TUSC3: variants seen among roughly 807,000 people sequenced by gnomAD.
TUSC3 encodes the protein dolichyl-diphosphooligosaccharide--protein glycosyltransferase subunit TUSC3.
Under a neutral mutation model 44.8 loss-of-function variants are expected in TUSC3, and 45 were observed. That is an observed-to-expected ratio of 1.00 (90% confidence interval 0.79 to 1.29). The LOEUF (loss-of-function observed/expected upper bound fraction) is 1.29. Ranked by LOEUF, TUSC3 falls within the 50% of genes most tolerant of loss-of-function variation. The pLI, the probability that TUSC3 is intolerant of heterozygous loss-of-function variation, is 0.00. For missense variants in TUSC3, 519 were observed against 437.9 expected, an observed-to-expected ratio of 1.19 and a Z score of -1.65; for synonymous variants, 212 against 152.9, an observed-to-expected ratio of 1.39 and a Z score of -2.85.
At chr8:15,479,668 C>T (rs1308655050) in intron 1 of TUSC3, among the ~76,000 whole-genome samples, 1 of 152,092 alleles carries the variant, frequency 6.6e-6, no homozygotes, top group African/African-American at 2.4e-5. Flanking sequence ...CAGTACCATG[C>T]TGTTTTGGTT....
At chr8:15,699,075 T>C (rs1260911105) in intron 6 of TUSC3, among the ~76,000 whole-genome samples, 2 of 152,152 alleles carry the variant, frequency 1.3e-5, no homozygotes, top group African/African-American at 2.4e-5. Context: ...CTTGGACTCC[T>C]AGCCTCAAGT....
rs370828450 is a variant in TUSC3 at position 15,550,864 on chromosome 8, G to C, written c.138+10296G>C. ...TTTTTGTATTTTTAGTAGAGACGGGGTTTCATCATGTTCGCCATGCTGGCC... is the reference window on the plus strand; with the variant it reads ...TTTTTGTATTTTTAGTAGAGACGGGCTTTCATCATGTTCGCCATGCTGGCC... On this transcript the variant is annotated intron_variant, in intron 1 of 10. Transcript: ENST00000503731. Among the ~76,000 whole-genome samples the C allele has an allele frequency of 4.0e-5, 6 of 151,662 alleles. 1 individual carries two copies. The highest frequency in any genetic ancestry group is 1.4e-4 in the African/African-American group (6 of 41,470).
At chr8:15,717,438 A>G (rs995813224) in intron 6 of TUSC3, among the ~76,000 whole-genome samples, 1 of 152,102 alleles carries the variant, frequency 6.6e-6, no homozygotes, top group Admixed American at 6.6e-5. Flanking sequence ...AAATGTAAAG[A>G]AAATTGTACA....
At chr8:15,710,794 TATAA>T (rs996388271) in intron 6 of TUSC3, among the ~76,000 whole-genome samples, 4 of 148,438 alleles carry the variant, frequency 2.7e-5, no homozygotes, top group Non-Finnish European at 6.0e-5. Context: ...TATATATATT[TATAA>T]ATATATATAT....
intron 2 of TUSC3, among the ~76,000 whole-genome samples, chr8:15,489,192 A>G (rs1348447242): frequency 2.6e-5 from 4 of 152,202 alleles, no homozygotes; most frequent in African/African-American, 9.7e-5. Context: ...TAAGGTCTAC[A>G]TTGGTTCAGT....
At chr8:15,558,640 C>G (rs1453201131) in intron 1 of TUSC3, among the ~76,000 whole-genome samples, 29 of 113,142 alleles carry the variant, frequency 2.6e-4, no homozygotes, top group African/African-American at 8.5e-4. Context: ...TGGTGCTGGA[C>G]TCTTTTTGGT....
chr8:15,477,276 A>G (rs1206250063), intron 1 of TUSC3, among the ~76,000 whole-genome samples: 1 of 152,078 alleles, frequency 6.6e-6, no homozygotes, highest in Non-Finnish European at 1.5e-5. Flanking sequence ...CTTTATGTCC[A>G]TTTCTTTTTT....
At chr8:15,804,602 T>G in the TUSC3 span, among the ~76,000 whole-genome samples, 1 of 152,324 alleles carries the variant, frequency 6.6e-6, no homozygotes, top group Admixed American at 6.5e-5. Context: ...AGCTTATTTT[T>G]GCTGATTCTG....
chr8:15,538,346 G>A (rs1801558358), upstream of TUSC3, among the ~76,000 whole-genome samples: 1 of 152,176 alleles, frequency 6.6e-6, no homozygotes, highest in Non-Finnish European at 1.5e-5. Context: ...AAGGTGTAAA[G>A]TTTATTTTGT....
At chr8:15,500,300 G>C (rs13271637) in intron 2 of TUSC3, among the ~76,000 whole-genome samples, 2 of 151,992 alleles carry the variant, frequency 1.3e-5, no homozygotes, top group African/African-American at 4.8e-5. Context: ...GTTTTGTTCC[G>C]TATCTAATGC....
the TUSC3 span, chr8:15,806,936 C>G: frequency 2.1e-6 from 3 of 1,447,746 alleles, no homozygotes; most frequent in Non-Finnish European, 1.9e-6. Flanking sequence ...CATGTTTCTT[C>G]TCTGACATAA....
intron 9 of TUSC3, among the ~76,000 whole-genome samples, chr8:15,753,075 G>T (rs1811774410): frequency 6.6e-6 from 1 of 151,878 alleles, no homozygotes; most frequent in Admixed American, 6.6e-5. Flanking sequence ...ACTAATGAAA[G>T]CTGCTATAGT....
intron 2 of TUSC3, among the ~76,000 whole-genome samples, chr8:15,507,031 G>C (rs1801060852): frequency 2.6e-5 from 4 of 152,038 alleles, no homozygotes. Flanking sequence ...CTGTATCTTT[G>C]GGTCTTCATT....
At chr8:15,567,143 G>C (rs1189577663) in intron 1 of TUSC3, among the ~76,000 whole-genome samples, 1 of 152,108 alleles carries the variant, frequency 6.6e-6, no homozygotes, top group Non-Finnish European at 1.5e-5. Context: ...TTAGACTTGA[G>C]CCAGATCCAA....
At chr8:15,554,362 A>G (rs777240781) in intron 1 of TUSC3, among the ~76,000 whole-genome samples, 2 of 151,752 alleles carry the variant, frequency 1.3e-5, no homozygotes. Context: ...GCACCATTGC[A>G]TGCTTTGCTG....
intron 5 of TUSC3, 140 bp from the exon 6 acceptor site, chr8:15,673,607 T>A (rs1235570934): frequency 4.2e-6 from 3 of 716,714 alleles, no homozygotes; most frequent in African/African-American, 3.5e-5. Flanking sequence ...GTCCCATAGT[T>A]AATAAGTGAA....
intron 7 of TUSC3, chr8:15,743,321 A>G (rs1027142668): frequency 2.7e-5 from 15 of 557,754 alleles, no homozygotes; most frequent in Non-Finnish European, 4.1e-5. Context: ...TAGCCTCTCA[A>G]TATATCACAA....
In TUSC3 at chr8:15,493,714, C is replaced by G. The variant is rs186266988; in HGVS notation, n.189+10231C>G. Among the ~76,000 whole-genome samples, 473 of 152,278 alleles carry G rather than the reference C, an allele frequency of 3.1e-3. 3 individuals carry two copies. Among genetic ancestry groups the G allele is most frequent in the African/African-American group, 0.011 (452 of 41,548 alleles). On this transcript the variant is annotated intron_variant and non_coding_transcript_variant, in intron 2 of 5. Transcript: ENST00000503191. ...ACTATCCAATTAGAAAAAGAAGACACTGCATATTGAAAAGCTAACTTAAGA... is the reference window on the plus strand; with the variant it reads ...ACTATCCAATTAGAAAAAGAAGACAGTGCATATTGAAAAGCTAACTTAAGA...
intron 2 of TUSC3, among the ~76,000 whole-genome samples, chr8:15,637,936 T>G (rs1240843922): frequency 2.0e-5 from 3 of 152,198 alleles, no homozygotes; most frequent in Non-Finnish European, 2.9e-5. Context: ...GCTTCTCTGT[T>G]TCACTCTATC....
Sources: gnomAD v4.1 joint callset for allele counts (sites outside exome capture counted in the v4.1 genomes callset) on GRCh38, gnomAD v4.1.1 for gene constraint, MANE v1.5 for transcripts, NCBI Gene and HGNC (gene_info 2026-07-23, HGNC 2026-07-21) for gene names.